KDM2B: variants seen among roughly 807,000 people sequenced by gnomAD.
KDM2B encodes lysine-specific demethylase 2B.
KDM2B carries 26 observed loss-of-function variants against 150.0 expected under a neutral mutation model. The observed-to-expected ratio is 0.17, with a 90% confidence interval of 0.13 to 0.24. KDM2B has a LOEUF of 0.24. Ranked by LOEUF, KDM2B falls within the 10% of genes least tolerant of loss-of-function variation. The pLI, the probability that KDM2B is intolerant of heterozygous loss-of-function variation, is 1.00. For synonymous variants in KDM2B, 734 were observed against 729.5 expected, an observed-to-expected ratio of 1.01 and a Z score of -0.10; for missense variants, 1,265 against 1,816.9, an observed-to-expected ratio of 0.70 and a Z score of 5.52.
At chr12:121,473,736 A>G (rs1881033039) in intron 12 of KDM2B, among the ~76,000 whole-genome samples, 1 of 141,518 alleles carries the variant, frequency 7.1e-6, no homozygotes. Context: ...AAAAAAAAAG[A>G]GAGAGAGAGA....
chr12:121,580,851 C>T lies in KDM2B; in HGVS notation c.61G>A (p.Ala21Thr), dbSNP rs186048604. ...ACTGTTTTCTTTTTTTGCTTTTCTG[C>T]TGCATGTCTTTTTCGTGGGGGGTGA... ...EDHPPRKRHA[A>T]EKQKKKTVIY... The change falls in exon 1 of 23, where the codon GCA becomes ACA. Residue 21 changes from alanine (A) to threonine (T), a missense_variant. Transcript: ENST00000377071. 2.2e-3 allele frequency: 3,495 copies of T among 1,614,034 alleles called. 70 individuals are homozygous for T. Among genetic ancestry groups the T allele is most frequent in the Non-Finnish European group, 4.6e-4 (542 of 1,179,966 alleles).
rs752690175 is a variant in KDM2B, at chr12:121,520,925, G to C, written c.1047+60C>G. 2.6e-5 allele frequency: 32 copies of C among 1,222,150 alleles called. No homozygotes were observed. Among genetic ancestry groups the C allele is most frequent in the Non-Finnish European group, 3.6e-5 (31 of 850,000 alleles). The allele number at this position is 1,222,150 out of a possible 1,614,324, so 75.7% of individuals were successfully genotyped here. On this transcript the variant is annotated intron_variant, in intron 9 of 22. Transcript: ENST00000377071. The surrounding 1 kb of genome is among the most constrained non-coding windows in gnomAD (Gnocchi z 4.5). ...TTCAGTATGACCTGTCCCACACACCGAGCACCGGCAGAGCTCAGGGGCCAG... is the reference window on the plus strand; with the variant it reads ...TTCAGTATGACCTGTCCCACACACCCAGCACCGGCAGAGCTCAGGGGCCAG...
chr12:121,490,102 C>T (rs1173118969), intron 12 of KDM2B, among the ~76,000 whole-genome samples: 2 of 152,178 alleles, frequency 1.3e-5, no homozygotes, highest in Admixed American at 1.3e-4. Flanking sequence ...TGTGTCACTC[C>T]GGAGGGACCC....
intron 11 of KDM2B, among the ~76,000 whole-genome samples, chr12:121,500,478 A>T (rs1207004950): frequency 3.9e-5 from 6 of 152,218 alleles, no homozygotes; most frequent in Admixed American, 3.9e-4. Flanking sequence ...TCTCAAAGAG[A>T]TAATTAGTTA....
At chr12:121,553,020 C>G (rs955399556) in intron 4 of KDM2B, among the ~76,000 whole-genome samples, 124 of 152,222 alleles carry the variant, frequency 8.1e-4, no homozygotes, top group African/African-American at 3.0e-3. Flanking sequence ...ATCATGAGGT[C>G]AGGAGATTGA....
In KDM2B at chr12:121,576,237, G is replaced by A. The variant is rs145212593; in HGVS notation, c.272-378C>T. Reference sequence around the variant, plus strand: ...TAGACAGAGACACGCATCCCAAGCCGCGCTCGGAAAGTAAAGGGACTGCAA... The same window carrying A: ...TAGACAGAGACACGCATCCCAAGCCACGCTCGGAAAGTAAAGGGACTGCAA... On this transcript the variant is annotated intron_variant, in intron 2 of 22. Transcript: ENST00000377071. Among the ~76,000 whole-genome samples the A allele has an allele frequency of 7.2e-5, 11 of 152,266 alleles. No homozygotes were observed. The East Asian group carries it at 9.6e-4, about 13-fold the overall frequency.
At chr12:121,534,077 C>T (rs1393241675) in intron 7 of KDM2B, among the ~76,000 whole-genome samples, 1 of 152,078 alleles carries the variant, frequency 6.6e-6, no homozygotes, top group Non-Finnish European at 1.5e-5. Context: ...AAGCCGGGCA[C>T]AGTGGCTCAC....
In KDM2B at chr12:121,452,996, G is replaced by A. The variant is rs562300024; in HGVS notation, c.1959+124C>T. 17 of 872,202 alleles carry A rather than the reference G, an allele frequency of 1.9e-5. No individual in the cohort carries two copies. The East Asian group carries it at 4.5e-4, about 23-fold the overall frequency. 54.0% of individuals were successfully genotyped at this position (872,202 alleles called of 1,614,324 possible). ...CTTCCCGTCCACAGGAAGAGCTCTC[G>A]GGGAGTCCACAGCCCCGGCTTCTCT... On this transcript the variant is annotated intron_variant, in intron 13 of 22. Transcript: ENST00000377071. The surrounding 1 kb of genome is among the most constrained non-coding windows in gnomAD (Gnocchi z 4.4).
intron 8 of KDM2B, among the ~76,000 whole-genome samples, chr12:121,528,037 G>A (rs1257175870): frequency 6.6e-6 from 1 of 152,146 alleles, no homozygotes; most frequent in Non-Finnish European, 1.5e-5. Context: ...TAATTATAAG[G>A]CTAACACCTG....
chr12:121,494,319 C>G, intron 12 of KDM2B: 1 of 417,688 alleles, frequency 2.4e-6, no homozygotes, highest in South Asian at 3.0e-5. Context: ...CACCTAACCA[C>G]AGGGAAAGGC....
Position 121,549,429 on chromosome 12 carries a change from T to C in KDM2B, c.576+31A>G. ...AGGGAAGGAGATGAGGTGGAAGGTA[T>C]CTGGGGAGGGTACCTGGGCCCCGGA... On this transcript the variant is annotated intron_variant, in intron 5 of 22. Transcript: ENST00000377071. This position sits in a 1 kb window ranked among gnomAD's most constrained non-coding sequence, Gnocchi z 4.4. 6.4e-7 allele frequency: 1 copy of C among 1,551,782 alleles called. No homozygotes were observed. The highest frequency in any genetic ancestry group is 8.8e-7 in the Non-Finnish European group (1 of 1,140,164).
rs542496403 is a variant in KDM2B, at chr12:121,569,018, G to A, written c.397+5529C>T. Reference sequence around the variant, plus strand: ...TCCCTTTCTCAAACGGCCACGTCCCGTGGTGCAGTGCCCAGGGCAAGGTAA... The same window carrying A: ...TCCCTTTCTCAAACGGCCACGTCCCATGGTGCAGTGCCCAGGGCAAGGTAA... On this transcript the variant is annotated intron_variant, in intron 4 of 22. Transcript: ENST00000377071. Among the ~76,000 whole-genome samples, 25 of 152,294 alleles carry A rather than the reference G, an allele frequency of 1.6e-4. No individual in the cohort carries two copies. The South Asian group carries it at 3.9e-3, about 24-fold the overall frequency.
the KDM2B span, among the ~76,000 whole-genome samples, chr12:121,412,942 C>G: frequency 6.6e-6 from 1 of 151,942 alleles, no homozygotes; most frequent in African/African-American, 2.4e-5. Context: ...GTCTCGAACT[C>G]TTGACCTCAT....
At chr12:121,414,572 T>C in the KDM2B span, among the ~76,000 whole-genome samples, 32 of 152,198 alleles carry the variant, frequency 2.1e-4, no homozygotes, top group African/African-American at 7.5e-4. Flanking sequence ...GAGTAGCAAA[T>C]AGCCCTTACG....
At chr12:121,516,375 T>C (rs937980791) in intron 9 of KDM2B, 1 of 751,732 alleles carries the variant, frequency 1.3e-6, no homozygotes, top group Non-Finnish European at 1.9e-6. Context: ...TGAAAACAAA[T>C]GCTGATGAAG....
At chr12:121,433,107 GCCCT>G (rs1555285917) in intron 22 of KDM2B, 2 of 455,946 alleles carry the variant, frequency 4.4e-6, no homozygotes, top group Non-Finnish European at 8.8e-6. Flanking sequence ...ACTAATTTGG[GCCCT>G]CTTTGGAGGC....
At chr12:121,525,138 C>T (rs1566376061) in intron 8 of KDM2B, among the ~76,000 whole-genome samples, 3 of 152,196 alleles carry the variant, frequency 2.0e-5, no homozygotes, top group South Asian at 2.1e-4. Flanking sequence ...GGATCAGGAA[C>T]GAACCTGTGG....
At chr12:121,427,486 G>A (rs1214881887), downstream of KDM2B, among the ~76,000 whole-genome samples, 1 of 152,134 alleles carries the variant, frequency 6.6e-6, no homozygotes, top group African/African-American at 2.4e-5. Context: ...AGGTTGCAGT[G>A]AGCTGAGATC....
chr12:121,499,686 G>T (rs1354572400), intron 11 of KDM2B, among the ~76,000 whole-genome samples: 3 of 151,762 alleles, frequency 2.0e-5, no homozygotes, highest in Non-Finnish European at 2.9e-5. Context: ...GGTGGCTCAC[G>T]CCTGTAATTC....
Sources: allele counts gnomAD v4.1 joint callset (sites outside exome capture counted in the v4.1 genomes callset), GRCh38; gene constraint gnomAD v4.1.1; non-coding constraint Gnocchi (gnomAD v3.1); transcripts MANE v1.5; gene names NCBI Gene and HGNC (gene_info 2026-07-23, HGNC 2026-07-21).